The following NT5DC4 variants were observed in gnomAD, a reference collection of about 807,000 sequenced individuals.
NT5DC4 encodes 5'-nucleotidase domain-containing protein 4.
A neutral mutation model predicts 26.6 loss-of-function variants in NT5DC4; 44 were observed. The observed-to-expected ratio is 1.65, with a 90% CI of 1.30 to 2.13. The LOEUF is 2.13. Ranked by LOEUF, NT5DC4 falls within the 30% of genes most tolerant of loss-of-function variation. NT5DC4 has a pLI of 0.00. For synonymous variants in NT5DC4, 157 were observed against 86.7 expected, an observed-to-expected ratio of 1.81 and a Z score of -4.51; for missense variants, 399 against 228.1, an observed-to-expected ratio of 1.75 and a Z score of -4.83.
intron 15 of NT5DC4, 93 bp from the exon 16 acceptor site, chr2:112,729,534 C>A: frequency 1.4e-6 from 1 of 692,320 alleles, no homozygotes; most frequent in Non-Finnish European, 2.7e-6. Context: ...AAGTTGGCAG[C>A]TGTGGGCAGG....
intron 16 of NT5DC4, 92 bp downstream of exon 16, chr2:112,729,796 T>G (rs964420752): frequency 8.6e-6 from 6 of 697,318 alleles, no homozygotes; most frequent in African/African-American, 1.8e-5. Flanking sequence ...CCAGGACGCA[T>G]GAGGCAATTG....
chr2:112,727,078 G>T, intron 15 of NT5DC4: 1 of 339,498 alleles, frequency 2.9e-6, no homozygotes, highest in Non-Finnish European at 5.7e-6. Context: ...ATGTGATTTA[G>T]GGCCAGTGAG....
Position 112,725,215 on chromosome 2 carries a change from C to T in NT5DC4, c.957C>T (p.His319=), listed in dbSNP as rs1677547110. The part of the protein sequence containing the change: ...KLHVGTYTGP[H]QHCAVYSGGS... ...ACGTGGGCACCTACACAGGGCCCCA[C>T]CAGCACTGTGCTGTCTACTCTGGAG... The change falls in exon 12 of 17, where the codon CAC becomes CAT. Residue 319 remains histidine (H), a synonymous_variant. Transcript: ENST00000688554. 1 of 715,760 alleles carries T rather than the reference C, an allele frequency of 1.4e-6. No homozygotes were observed. The highest frequency in any genetic ancestry group is 1.7e-5 in the African/African-American group (1 of 57,218). The allele number at this position is 715,760 out of a possible 1,614,324, so 44.3% of individuals were successfully genotyped here.
chr2:112,722,123 TG>T lies in NT5DC4; in HGVS notation c.266+23del. On this transcript the variant is annotated intron_variant, in intron 3 of 16. Transcript: ENST00000688554. The stretch of plus-strand genomic sequence containing the variant: ...CACCAGGTGTGTGGCTCAGGACAGG[TG>T]GGAGGCCACCCGGCCTTGGTACCCC... 1.4e-6 allele frequency: 1 copy of T among 715,682 alleles called. No individual in the cohort carries two copies. 44.3% of individuals were successfully genotyped at this position (715,682 alleles called of 1,614,324 possible).
upstream of NT5DC4, among the ~76,000 whole-genome samples, chr2:112,719,975 TTTCTTTCTTTCTTTTTC>T (rs1415867003): frequency 1.4e-4 from 14 of 99,346 alleles, no homozygotes; most frequent in South Asian, 3.6e-4. Context: ...TCTTTCTTTC[TTTCTTTCTTTCTTTTTC>T]TTTTCTTTTC....
chr2:112,736,432 G>T (rs1679180165), intron 16 of NT5DC4, among the ~76,000 whole-genome samples: 1 of 151,684 alleles, frequency 6.6e-6, no homozygotes, highest in African/African-American at 2.4e-5. Flanking sequence ...TAAAATGGCT[G>T]CTATAGTGAA....
chr2:112,722,762 G>A lies in NT5DC4; in HGVS notation c.518G>A (p.Arg173His), dbSNP rs77260136. ...GTGGACTTCTTCTCTGGCTGCTCCC[G>A]TTACACTAAGTGCGTCTTGTGCCCT... Reference protein sequence around the residue: ...CLVDFFSGCSRYTNCDTGYQH... With the variant: ...CLVDFFSGCSHYTNCDTGYQH... Residue 173 changes from arginine (R) to histidine (H), a missense_variant, in exon 6 of 17, where the codon CGT becomes CAT. Arg to His is a conservative substitution (Grantham distance 29). Coordinates refer to ENST00000688554, the MANE Select transcript of NT5DC4 (RefSeq NM_001393655.1). 564 of 717,572 alleles carry A rather than the reference G, an allele frequency of 7.9e-4. 6 individuals are homozygous for A. In the African/African-American group the frequency reaches 7.9e-3, roughly 10 times the overall value. 44.5% of individuals were successfully genotyped at this position (717,572 alleles called of 1,614,324 possible).
intron 15 of NT5DC4, among the ~76,000 whole-genome samples, chr2:112,728,651 G>A (rs1280051093): frequency 1.3e-5 from 2 of 152,180 alleles, no homozygotes; most frequent in Non-Finnish European, 2.9e-5. Context: ...CGTTTGAGAG[G>A]GGAAAACCAT....
intron 16 of NT5DC4, chr2:112,737,718 G>A (rs1338891266): frequency 6.6e-6 from 1 of 152,084 alleles, no homozygotes; most frequent in Non-Finnish European, 1.5e-5. Flanking sequence ...CCTGGATGAG[G>A]CTGATAGACC....
rs755629537 is a variant in NT5DC4, at chr2:112,722,675, C to G, written c.470-39C>G. ...TCTGTCCTGGTGGAGAACTGTCTGG[C>G]TCCCTGGGCTGACAACTGACCATCC... On this transcript the variant is annotated intron_variant, in intron 5 of 16. Coordinates refer to ENST00000688554, the MANE Select transcript of NT5DC4 (RefSeq NM_001393655.1). 4.6e-5 allele frequency: 33 copies of G among 717,420 alleles called. No homozygotes were observed. In the African/African-American group the frequency reaches 5.1e-4, roughly 11 times the overall value. The allele number at this position is 717,420 out of a possible 1,614,324, so 44.4% of individuals were successfully genotyped here.
chr2:112,724,603 C>T (rs1677437333), intron 10 of NT5DC4, 178 bp from the exon 11 acceptor site: 3 of 604,280 alleles, frequency 5.0e-6, no homozygotes, highest in Non-Finnish European at 8.9e-6. Context: ...CTTTTGAGCA[C>T]TTCCTAGTGC....
At chr2:112,738,203 G>A (rs889204919) in intron 16 of NT5DC4, 2 of 152,138 alleles carry the variant, frequency 1.3e-5, no homozygotes, top group East Asian at 1.9e-4. Flanking sequence ...AAAGCTAGAC[G>A]ACCATGCCAA....
At chr2:112,730,557 G>A (rs996388392) in intron 16 of NT5DC4, among the ~76,000 whole-genome samples, 6 of 152,140 alleles carry the variant, frequency 3.9e-5, no homozygotes, top group Non-Finnish European at 7.3e-5. Context: ...CACTTTGTGA[G>A]GCTTGACCCG....
chr2:112,723,201 A>C, intron 7 of NT5DC4, 27 bp downstream of exon 7: 1 of 716,938 alleles, frequency 1.4e-6, no homozygotes, highest in Middle Eastern at 2.3e-4. Flanking sequence ...GAACCCCCGG[A>C]CCCCTGACCT....
At chr2:112,733,226 T>C (rs1162232664) in intron 16 of NT5DC4, among the ~76,000 whole-genome samples, 1 of 148,072 alleles carries the variant, frequency 6.8e-6, no homozygotes, top group African/African-American at 2.5e-5. Context: ...GGGTAGGAGG[T>C]AGGACAGATA....
chr2:112,722,599 G>A lies in NT5DC4; in HGVS notation c.469+10G>A, dbSNP rs1336726006. 2 of 717,488 alleles carry A rather than the reference G, an allele frequency of 2.8e-6. No individual in the cohort carries two copies. The highest frequency in any genetic ancestry group is 2.6e-6 in the Non-Finnish European group (1 of 385,082). 44.4% of individuals were successfully genotyped at this position (717,488 alleles called of 1,614,324 possible). A position where few individuals can be genotyped will look rare whatever the true frequency, so the allele number is the denominator to read the frequency against. ...CTCTTCAACCTGCCTGGTGGGTGGA[G>A]GGTTGGGGGCACGGGAGGTGGTCCT... On this transcript the variant is annotated intron_variant, in intron 5 of 16. Coordinates refer to ENST00000688554, the MANE Select transcript of NT5DC4 (RefSeq NM_001393655.1).
chr2:112,742,815 CA>C, downstream of NT5DC4: 3 of 1,417,558 alleles, frequency 2.1e-6, no homozygotes, highest in Non-Finnish European at 2.9e-6. Context: ...AACATTCATG[CA>C]AAAAATTTGC....
At chr2:112,739,780 A>C (rs1362096719), downstream of NT5DC4, among the ~76,000 whole-genome samples, 2 of 152,090 alleles carry the variant, frequency 1.3e-5, no homozygotes, top group Non-Finnish European at 2.9e-5. Flanking sequence ...TCAGCCTTTC[A>C]AGCTGGTGGG....
chr2:112,739,900 T>C (rs942451638), downstream of NT5DC4, among the ~76,000 whole-genome samples: 10 of 152,158 alleles, frequency 6.6e-5, no homozygotes, highest in African/African-American at 2.4e-4. Context: ...GTAATCCTCC[T>C]GCCTCGGCCT....
Sources: gnomAD v4.1 joint callset for allele counts (sites outside exome capture counted in the v4.1 genomes callset) on GRCh38, gnomAD v4.1.1 for gene constraint, MANE v1.5 for transcripts, NCBI Gene and HGNC (gene_info 2026-07-23, HGNC 2026-07-21) for gene names.